The following SARAF variants were observed in gnomAD, a reference collection of about 807,000 sequenced individuals.
SARAF encodes store-operated calcium entry-associated regulatory factor.
Under a neutral mutation model 39.7 loss-of-function variants are expected in SARAF, and 23 were observed. That is an observed-to-expected ratio of 0.58 (90% confidence interval 0.42 to 0.82). The LOEUF (loss-of-function observed/expected upper bound fraction) is 0.82, where lower values mean the gene tolerates loss of function less well. Among genes scored for constraint, SARAF ranks in the 40% least tolerant of loss-of-function variants. The pLI is 0.00. For synonymous variants in SARAF, 175 were observed against 168.5 expected (o/e 1.04, Z -0.30); for missense variants, 384 against 418.5 (o/e 0.92, Z 0.72).
intron 1 of SARAF, among the ~76,000 whole-genome samples, chr8:30,081,147 AAAC>A (rs1802089544): frequency 6.6e-6 from 1 of 152,198 alleles, no homozygotes; most frequent in Non-Finnish European, 1.5e-5. Context: ...CAAAAAAACA[AAAC>A]AAAACAAAAA....
At chr8:30,079,193 ATAG>A (rs1366988132) in intron 1 of SARAF, among the ~76,000 whole-genome samples, 5 of 151,470 alleles carry the variant, frequency 3.3e-5, no homozygotes, top group African/African-American at 1.2e-4. Flanking sequence ...TATAATCAAA[ATAG>A]TAGGGAATTG....
intron 2 of SARAF, among the ~76,000 whole-genome samples, chr8:30,070,979 A>G (rs1177670047): frequency 6.6e-6 from 1 of 152,214 alleles, no homozygotes; most frequent in East Asian, 1.9e-4. Flanking sequence ...AAAAAAATAT[A>G]TGCCCAAGTT....
rs1423689069 is a variant in SARAF, at chr8:30,064,561, A to ATATTTTTTATTTTT, written c.995-649_995-648insAAAAATAAAAAATA. On this transcript the variant is annotated intron_variant, in intron 5 of 5. Coordinates refer to ENST00000256255, the MANE Select transcript of SARAF (RefSeq NM_016127.6). ...TATATATATATATATATATATATAT[A>ATATTTTTTATTTTT]TTTTTTTTTTTTTTTTTTGAGACAG... Among the ~76,000 whole-genome samples the ATATTTTTTATTTTT allele has an allele frequency of 4.8e-3, 223 of 46,242 alleles. 15 individuals carry two copies. The highest frequency in any genetic ancestry group is 0.037 in the Middle Eastern group (2 of 54). The allele number at this position is 46,242 out of a possible 152,430, so 30.3% of individuals were successfully genotyped here. A position where few individuals can be genotyped will look rare whatever the true frequency, so the allele number is the denominator to read the frequency against.
In SARAF at chr8:30,073,897, A is replaced by G. The variant is rs971115930; in HGVS notation, c.262T>C (p.Trp88Arg). The G allele has an allele frequency of 5.6e-6, 9 of 1,614,056 alleles. No homozygotes were observed. In the African/African-American group the frequency reaches 1.2e-4, roughly 22 times the overall value. Reference sequence around the variant, plus strand: ...ATTACCTGTACATCATACCCATCCCAGCCTTTGTTCTGACACTGTATGACT... The same window carrying G: ...ATTACCTGTACATCATACCCATCCCGGCCTTTGTTCTGACACTGTATGACT... Reference protein sequence around the residue: ...PKVIQCQNKGWDGYDVQWECK... With the variant: ...PKVIQCQNKGRDGYDVQWECK... The change falls in exon 2 of 6, where the codon TGG becomes CGG. Residue 88 changes from tryptophan (W) to arginine (R), a missense_variant. Trp to Arg is a moderately radical substitution (Grantham distance 101). Coordinates refer to ENST00000256255, the MANE Select transcript of SARAF (RefSeq NM_016127.6).
intron 2 of SARAF, 106 bp from the exon 3 acceptor site, chr8:30,070,165 T>C (rs1801804594): frequency 2.0e-6 from 2 of 1,019,206 alleles, no homozygotes; most frequent in Non-Finnish European, 2.8e-6. Flanking sequence ...ATCTCAGCAC[T>C]TTCGGAGGCC....
At position 30,082,774 on chromosome 8, in the gene SARAF, C is replaced by T; in HGVS notation, c.103+73G>A. On this transcript the variant is annotated intron_variant, in intron 1 of 5. Coordinates refer to ENST00000256255, the MANE Select transcript of SARAF (RefSeq NM_016127.6). ...TCCGGGAAGACGGCGCACGGAAACG[C>T]AGGGGAGCCTGCACCGGCTGACGGC... 1.0e-5 allele frequency: 13 copies of T among 1,241,732 alleles called. No homozygotes were observed. In the South Asian group the frequency reaches 1.8e-4, roughly 18 times the overall value. 76.9% of individuals were successfully genotyped at this position (1,241,732 alleles called of 1,614,324 possible).
intron 1 of SARAF, among the ~76,000 whole-genome samples, chr8:30,077,580 G>C (rs960916396): frequency 3.3e-5 from 5 of 152,176 alleles, no homozygotes; most frequent in African/African-American, 1.2e-4. Flanking sequence ...GAGGCAGGTG[G>C]ATCACGAGGT....
chr8:30,069,342 CTTGGCCAGGCTGGT>C (rs1801774960), intron 3 of SARAF, among the ~76,000 whole-genome samples: 1 of 151,812 alleles, frequency 6.6e-6, no homozygotes, highest in African/African-American at 2.4e-5. Flanking sequence ...GTTTTACCAT[CTTGGCCAGGCTGGT>C]CTCAAACTCC....
At chr8:30,073,160 A>T (rs1027202008) in intron 2 of SARAF, among the ~76,000 whole-genome samples, 22 of 152,344 alleles carry the variant, frequency 1.4e-4, no homozygotes, top group African/African-American at 4.3e-4. Context: ...AGGTTGTATC[A>T]AACAAGAATA....
rs1458215350 is a variant in SARAF, at chr8:30,064,557, A to ATTTTTTT, written c.995-645_995-644insAAAAAAA. Reference sequence around the variant, plus strand: ...GCCATATATATATATATATATATATATATATTTTTTTTTTTTTTTTTTGAG... The same window carrying ATTTTTTT: ...GCCATATATATATATATATATATATATTTTTTTTATATTTTTTTTTTTTTTTTTTGAG... On this transcript the variant is annotated intron_variant, in intron 5 of 5. Transcript: ENST00000256255. Among the ~76,000 whole-genome samples the ATTTTTTT allele has an allele frequency of 1.2e-3, 60 of 50,630 alleles. 1 individual carries two copies. The highest frequency in any genetic ancestry group is 2.8e-3 in the East Asian group (3 of 1,054). 33.2% of individuals were successfully genotyped at this position (50,630 alleles called of 152,430 possible).
intron 1 of SARAF, among the ~76,000 whole-genome samples, chr8:30,074,772 G>A (rs965019038): frequency 2.6e-5 from 4 of 152,170 alleles, no homozygotes; most frequent in African/African-American, 9.7e-5. Context: ...ATTACTGGGA[G>A]TGGGGGATTT....
rs1801676836 is a variant in SARAF, at chr8:30,066,015, A to T, written c.967T>A (p.Ser323Thr). ...GSGSYSVCSN[S>T]DTKTRTASGY... ...GATGCAGTTCTGGTTTTCGTGTCTG[A>T]GTTTGAACATACCGAATAGCTGCCC... The change falls in exon 5 of 6, where the codon TCA (serine) becomes ACA (threonine). Residue 323 changes from serine (S) to threonine (T), a missense_variant. Ser to Thr is a moderately conservative substitution (Grantham distance 58). Coordinates refer to ENST00000256255, the MANE Select transcript of SARAF (RefSeq NM_016127.6). 6.2e-7 allele frequency: 1 copy of T among 1,614,106 alleles called. No individual in the cohort carries two copies. Among genetic ancestry groups the T allele is most frequent in the Non-Finnish European group, 8.5e-7 (1 of 1,180,012 alleles).
At position 30,069,852 on chromosome 8, in the gene SARAF, T is replaced by TATA; in HGVS notation, c.487_489dup (p.Tyr163dup). ...TTACAGGAATCCGCCGAGGACCACT[T>TATA]ATAATAATAATCAGAGAAAGAGGCA... is the stretch of plus-strand genomic sequence containing the variant. On this transcript the variant is annotated inframe_insertion, in exon 3 of 6. Transcript: ENST00000256255. 3 of 1,614,122 alleles carry TATA rather than the reference T, an allele frequency of 1.9e-6. No homozygotes were observed. Among genetic ancestry groups the TATA allele is most frequent in the South Asian group, 1.1e-5 (1 of 91,084 alleles).
chr8:30,063,791 T>C lies in SARAF; in HGVS notation c.*97A>G, dbSNP rs768722922. ...CACCACAGAACTTTTGAATATCCCC[T>C]TTTCCCAATTGTTAACAGGTAGTAC... is the stretch of plus-strand genomic sequence containing the variant. On this transcript the variant is annotated 3_prime_UTR_variant, in exon 6 of 6. Transcript: ENST00000256255. 1.9e-6 allele frequency: 2 copies of C among 1,064,112 alleles called. No homozygotes were observed. The highest frequency in any genetic ancestry group is 3.1e-5 in the African/African-American group (2 of 63,690). The allele number at this position is 1,064,112 out of a possible 1,614,324, so 65.9% of individuals were successfully genotyped here. A position where few individuals can be genotyped will look rare whatever the true frequency, so the allele number is the denominator to read the frequency against.
At position 30,083,007 on chromosome 8, in the gene SARAF, G is replaced by A. The variant is rs1412350022; in HGVS notation, c.-58C>T. 6.0e-6 allele frequency: 8 copies of A among 1,340,908 alleles called. No homozygotes were observed. The African/African-American group carries it at 9.2e-5, about 15-fold the overall frequency. 83.1% of individuals were successfully genotyped at this position (1,340,908 alleles called of 1,614,324 possible). A position where few individuals can be genotyped will look rare whatever the true frequency, so the allele number is the denominator to read the frequency against. The stretch of plus-strand genomic sequence containing the variant: ...ACGCCTACGGGCCGAACCTGGGTGC[G>A]GTAGCGCGCGCGACGCTGCGCAGCT... On this transcript the variant is annotated 5_prime_UTR_variant, in exon 1 of 6. Transcript: ENST00000256255.
Position 30,063,756 on chromosome 8 carries a change from C to A in SARAF, c.*132G>T. 1 of 770,482 alleles carries A rather than the reference C, an allele frequency of 1.3e-6. No individual in the cohort carries two copies. The highest frequency in any genetic ancestry group is 2.2e-6 in the Non-Finnish European group (1 of 445,000). The allele number at this position is 770,482 out of a possible 1,614,324, so 47.7% of individuals were successfully genotyped here. ...AAATAATAGAATACAAAAAGCTACA[C>A]TGGACATAACACCACAGAACTTTTG... is the stretch of plus-strand genomic sequence containing the variant. On this transcript the variant is annotated 3_prime_UTR_variant, in exon 6 of 6. Transcript: ENST00000256255.
intron 3 of SARAF, among the ~76,000 whole-genome samples, chr8:30,067,259 A>C (rs1204680275): frequency 6.6e-6 from 1 of 152,156 alleles, no homozygotes; most frequent in Non-Finnish European, 1.5e-5. Context: ...GGAGTCTCTA[A>C]GAGCTCCAGA....
At chr8:30,064,543 A>ATTTTTTTTT in intron 5 of SARAF, among the ~76,000 whole-genome samples, 1 of 49,032 alleles carries the variant, frequency 2.0e-5, no homozygotes. Flanking sequence ...CCATATATAT[A>ATTTTTTTTT]TATATATATA....
intron 1 of SARAF, chr8:30,082,231 G>A (rs1227500984): frequency 1.3e-5 from 2 of 152,394 alleles, no homozygotes; most frequent in African/African-American, 2.4e-5. Flanking sequence ...TCAGCTACCG[G>A]TGAGGCCGAG....
Sources: allele counts gnomAD v4.1 joint callset (sites outside exome capture counted in the v4.1 genomes callset), GRCh38; gene constraint gnomAD v4.1.1; transcripts MANE v1.5; gene names NCBI Gene and HGNC (gene_info 2026-07-23, HGNC 2026-07-21).